The following FOXJ3 variants were observed in gnomAD, a reference collection of about 807,000 sequenced individuals.
FOXJ3 encodes forkhead box protein J3.
Under a neutral mutation model 76.1 loss-of-function variants are expected in FOXJ3, and 22 were observed. The ratio of observed to expected loss-of-function variants is 0.29; its 90% CI spans 0.21 to 0.41. The LOEUF is 0.41. FOXJ3 is among the 10% of genes least tolerant of loss of function. FOXJ3 has a pLI of 1.00. For synonymous variants in FOXJ3, 269 were observed against 261.2 expected (o/e 1.03, Z -0.29); for missense variants, 613 against 762.1 (o/e 0.80, Z 2.30).
At chr1:42,252,167 C>T (rs1307989992) in intron 4 of FOXJ3, among the ~76,000 whole-genome samples, 1 of 152,018 alleles carries the variant, frequency 6.6e-6, no homozygotes, top group African/African-American at 2.4e-5. Context: ...TCCCTCTTTT[C>T]CTATTGATTG....
At chr1:42,191,056 A>C (rs1022626627) in intron 9 of FOXJ3, among the ~76,000 whole-genome samples, 2 of 88,338 alleles carry the variant, frequency 2.3e-5, no homozygotes, top group African/African-American at 9.8e-5. Flanking sequence ...TAATGTATCT[A>C]AATTATAAAC....
At chr1:42,265,916 T>G (rs1222399351) in intron 3 of FOXJ3, among the ~76,000 whole-genome samples, 1 of 152,130 alleles carries the variant, frequency 6.6e-6, no homozygotes, top group African/African-American at 2.4e-5. Context: ...GCAGAGTCTG[T>G]GAAAAAGAAA....
rs35054730 is a variant in FOXJ3 at position 42,226,222 on chromosome 1, TAA to T, written c.528+1659_528+1660del. On this transcript the variant is annotated intron_variant, in intron 5 of 12. Coordinates refer to ENST00000361346, the MANE Select transcript of FOXJ3 (RefSeq NM_014947.5). Reference sequence around the variant, plus strand: ...CTAGGTATAAGCTGAGAGGAGTGCTTAAAAAAAAAAAAAAGGCAAAGGCAAGA... The same window carrying T: ...CTAGGTATAAGCTGAGAGGAGTGCTTAAAAAAAAAAAAGGCAAAGGCAAGA... Among the ~76,000 whole-genome samples the T allele has an allele frequency of 5.0e-3, 715 of 141,740 alleles. 4 individuals are homozygous for T. Among genetic ancestry groups the T allele is most frequent in the African/African-American group, 0.017 (680 of 39,546 alleles). 93.0% of individuals were successfully genotyped at this position (141,740 alleles called of 152,430 possible).
At chr1:42,328,591 C>T (rs550232041) in intron 1 of FOXJ3, among the ~76,000 whole-genome samples, 37 of 151,782 alleles carry the variant, frequency 2.4e-4, no homozygotes, top group African/African-American at 8.2e-4. Flanking sequence ...TTATTAGAAA[C>T]GAGGCCTTTA....
At chr1:42,325,603 T>C (rs1655786062) in intron 1 of FOXJ3, among the ~76,000 whole-genome samples, 1 of 152,182 alleles carries the variant, frequency 6.6e-6, no homozygotes, top group African/African-American at 2.4e-5. Context: ...TGAAAAACAC[T>C]ACCTTAAAGA....
chr1:42,272,883 C>A (rs181530346), intron 3 of FOXJ3, among the ~76,000 whole-genome samples: 83 of 152,332 alleles, frequency 5.4e-4, no homozygotes, highest in African/African-American at 1.8e-3. Context: ...ACGTTCTCTA[C>A]TGCAAGCCAC....
At position 42,176,976 on chromosome 1, in the gene FOXJ3, G is replaced by A. The variant is rs937060226; in HGVS notation, c.*2734C>T. On this transcript the variant is annotated 3_prime_UTR_variant, in exon 13 of 13. Coordinates refer to ENST00000361346, the MANE Select transcript of FOXJ3 (RefSeq NM_014947.5). ...ATTTCAAAAACTGCCACAAATGCCA[G>A]TCGGATTATTCTCCTGAACAGAGTG... The A allele has an allele frequency of 6.6e-6, 1 of 152,662 alleles. No homozygotes were observed. Among genetic ancestry groups the A allele is most frequent in the African/African-American group, 2.4e-5 (1 of 41,454 alleles). The allele number at this position is 152,662 out of a possible 1,614,324, so 9.5% of individuals were successfully genotyped here. A position where few individuals can be genotyped will look rare whatever the true frequency, so the allele number is the denominator to read the frequency against.
chr1:42,181,961 G>A lies in FOXJ3; in HGVS notation c.1709C>T (p.Pro570Leu). ...AGTGCTGAGTGCCTGTGGGATATGA[G>A]GATAACCAGGGGGTGGCATCACTGA... is the stretch of plus-strand genomic sequence containing the variant. Reference protein sequence around the residue: ...PPSVMPPPGYPHIPQALSTPG... With the variant: ...PPSVMPPPGYLHIPQALSTPG... Residue 570 changes from proline (P) to leucine (L), a missense_variant, in exon 12 of 13, where the codon CCT (proline) becomes CTT (leucine). Physicochemically the swap from Pro to Leu is moderately conservative, Grantham distance 98. Transcript: ENST00000361346. The A allele has an allele frequency of 6.2e-7, 1 of 1,613,470 alleles. No homozygotes were observed. Among genetic ancestry groups the A allele is most frequent in the Non-Finnish European group, 8.5e-7 (1 of 1,179,618 alleles).
chr1:42,230,130 C>T (rs1476884746), intron 4 of FOXJ3, among the ~76,000 whole-genome samples: 2 of 152,116 alleles, frequency 1.3e-5, no homozygotes, highest in Non-Finnish European at 2.9e-5. Context: ...TCATAAAATC[C>T]TGAACGCCTA....
At chr1:42,318,554 A>G (rs1165238088) in intron 1 of FOXJ3, among the ~76,000 whole-genome samples, 1 of 152,132 alleles carries the variant, frequency 6.6e-6, no homozygotes, top group Non-Finnish European at 1.5e-5. Flanking sequence ...CATGTTGGTC[A>G]AGCTGGTCTC....
At chr1:42,295,507 G>A (rs1653725681) in intron 2 of FOXJ3, among the ~76,000 whole-genome samples, 1 of 143,090 alleles carries the variant, frequency 7.0e-6, no homozygotes, top group Non-Finnish European at 1.5e-5. Flanking sequence ...TGTTGAACAT[G>A]ACTACAAGTG....
At chr1:42,199,302 G>A in intron 6 of FOXJ3, 72 bp from the exon 7 acceptor site, 2 of 1,359,564 alleles carry the variant, frequency 1.5e-6, no homozygotes, top group African/African-American at 1.4e-5. Flanking sequence ...AAATACAATT[G>A]AGCAGGCATA....
chr1:42,231,786 C>A (rs1162904603), intron 4 of FOXJ3, among the ~76,000 whole-genome samples: 1 of 152,094 alleles, frequency 6.6e-6, no homozygotes, highest in African/African-American at 2.4e-5. Context: ...CAGGTCCACA[C>A]CCCACCCCCA....
intron 5 of FOXJ3, among the ~76,000 whole-genome samples, chr1:42,209,750 G>T (rs1451610602): frequency 6.6e-6 from 1 of 152,196 alleles, no homozygotes; most frequent in Non-Finnish European, 1.5e-5. Flanking sequence ...CCGGAGGGAA[G>T]CCATTCCTAA....
At chr1:42,207,629 T>C (rs1002456059) in intron 5 of FOXJ3, among the ~76,000 whole-genome samples, 1 of 152,230 alleles carries the variant, frequency 6.6e-6, no homozygotes, top group South Asian at 2.1e-4. Flanking sequence ...ATCCTAATTG[T>C]ACATGCATTT....
At position 42,222,048 on chromosome 1, in the gene FOXJ3, GAA is replaced by G. The variant is rs1491439427; in HGVS notation, c.528+5833_528+5834del. On this transcript the variant is annotated intron_variant, in intron 5 of 12. Transcript: ENST00000361346. ...GGGAGGGGGAGGAGAAGGAGAAGGAGAAGAAGAAGAAGAAGAAGAAGAAGAAG... is the reference window on the plus strand; with the variant it reads ...GGGAGGGGGAGGAGAAGGAGAAGGAGGAAGAAGAAGAAGAAGAAGAAGAAG... Among the ~76,000 whole-genome samples, 47 of 63,806 alleles carry G rather than the reference GAA, an allele frequency of 7.4e-4. 10 individuals are homozygous for G. Among genetic ancestry groups the G allele is most frequent in the African/African-American group, 3.3e-3 (45 of 13,722 alleles). 41.9% of individuals were successfully genotyped at this position (63,806 alleles called of 152,430 possible).
In FOXJ3 at chr1:42,298,503, T is replaced by A. The variant is rs1004250129; in HGVS notation, c.44+12547A>T. 3.9e-5 allele frequency among the ~76,000 whole-genome samples: 6 copies of A among 152,372 alleles called. No individual in the cohort carries two copies. The East Asian group carries it at 1.2e-3, about 29-fold the overall frequency. ...CTGATGATCTTTTGTATTTCTGTGG[T>A]GTCAGGTGTAATGCTGTCTTTATCA... On this transcript the variant is annotated intron_variant, in intron 2 of 12. Coordinates refer to ENST00000361346, the MANE Select transcript of FOXJ3 (RefSeq NM_014947.5).
At chr1:42,286,339 G>A (rs1653052688) in intron 2 of FOXJ3, among the ~76,000 whole-genome samples, 1 of 152,122 alleles carries the variant, frequency 6.6e-6, no homozygotes, top group Non-Finnish European at 1.5e-5. Context: ...CCACATATAT[G>A]GGAAAAGACA....
chr1:42,296,881 A>G (rs1248645290), intron 2 of FOXJ3, among the ~76,000 whole-genome samples: 2 of 152,138 alleles, frequency 1.3e-5, no homozygotes, highest in South Asian at 2.1e-4. Flanking sequence ...GAATCTGTAG[A>G]TTGCTTTGAA....
Sources: gnomAD v4.1 joint callset for allele counts (sites outside exome capture counted in the v4.1 genomes callset) on GRCh38, gnomAD v4.1.1 for gene constraint, MANE v1.5 for transcripts, NCBI Gene and HGNC (gene_info 2026-07-23, HGNC 2026-07-21) for gene names.